Variants in NFIB observed in about 807,000 individuals in gnomAD.
The protein encoded by NFIB is nuclear factor I B, also known as nuclear factor 1 B-type.
A neutral mutation model predicts 61.5 loss-of-function variants in NFIB; 11 were observed. The ratio of observed to expected loss-of-function variants is 0.18; its 90% CI spans 0.11 to 0.30. The LOEUF is 0.30. Ranked by LOEUF, NFIB falls within the 10% of genes least tolerant of loss-of-function variation. The pLI is 1.00. For missense variants in NFIB, 471 were observed against 608.9 expected (o/e 0.77, Z 2.38); for synonymous variants, 260 against 216.5 (o/e 1.20, Z -1.76).
chr9:14,459,330 C>T, the NFIB span, among the ~76,000 whole-genome samples: 15 of 152,330 alleles, frequency 9.8e-5, no homozygotes, highest in African/African-American at 7.2e-5. Flanking sequence ...AAAGCTGAAA[C>T]TGGATCCCTT....
At chr9:14,262,866 T>A (rs1281085611) in intron 2 of NFIB, among the ~76,000 whole-genome samples, 1 of 152,152 alleles carries the variant, frequency 6.6e-6, no homozygotes, top group Non-Finnish European at 1.5e-5. Flanking sequence ...ATGTAGCTGT[T>A]TCTCTGGTCC....
At chr9:14,416,786 A>T in the NFIB span, among the ~76,000 whole-genome samples, 1 of 151,980 alleles carries the variant, frequency 6.6e-6, no homozygotes, top group Non-Finnish European at 1.5e-5. Flanking sequence ...GTAAAGTCCT[A>T]GGCCTTCACA....
At chr9:14,300,743 C>T (rs2059705868) in intron 2 of NFIB, among the ~76,000 whole-genome samples, 1 of 152,280 alleles carries the variant, frequency 6.6e-6, no homozygotes, top group Non-Finnish European at 1.5e-5. Context: ...CATAACCTTC[C>T]GTTGGGTCCC....
chr9:14,222,322 G>C (rs998676688), intron 2 of NFIB, among the ~76,000 whole-genome samples: 3 of 152,076 alleles, frequency 2.0e-5, no homozygotes, highest in African/African-American at 7.2e-5. Flanking sequence ...TACAAGCCCT[G>C]CACCTACTGA....
intron 2 of NFIB, among the ~76,000 whole-genome samples, chr9:14,244,583 G>A (rs1035486120): frequency 6.6e-6 from 1 of 152,080 alleles, no homozygotes; most frequent in African/African-American, 2.4e-5. Context: ...TAAAATAACT[G>A]CTTAGTAACT....
the NFIB span, among the ~76,000 whole-genome samples, chr9:14,409,239 T>C: frequency 6.6e-6 from 1 of 152,220 alleles, no homozygotes; most frequent in Non-Finnish European, 1.5e-5. Flanking sequence ...ATATAATTTA[T>C]TTAATTATAA....
At chr9:14,094,929 T>C (rs2034542689) in intron 10 of NFIB, among the ~76,000 whole-genome samples, 1 of 152,096 alleles carries the variant, frequency 6.6e-6, no homozygotes, top group African/African-American at 2.4e-5. Context: ...GAATGTTAAC[T>C]TTACCATGCG....
chr9:14,319,362 G>C (rs1365003365), intron 1 of NFIB, among the ~76,000 whole-genome samples: 1 of 152,194 alleles, frequency 6.6e-6, no homozygotes, highest in Non-Finnish European at 1.5e-5. Context: ...TCCCAACACT[G>C]TAAGACACTT....
At chr9:14,471,358 G>C in the NFIB span, among the ~76,000 whole-genome samples, 1 of 152,144 alleles carries the variant, frequency 6.6e-6, no homozygotes, top group African/African-American at 2.4e-5. Context: ...CTGTTGTCCT[G>C]TGCCTGAGCT....
the NFIB span, among the ~76,000 whole-genome samples, chr9:14,449,651 C>G: frequency 6.6e-6 from 1 of 152,068 alleles, no homozygotes; most frequent in African/African-American, 2.4e-5. Flanking sequence ...ATTTCTCGAC[C>G]GGGTACAGTG....
In NFIB at chr9:14,120,485, C is replaced by T; in HGVS notation, c.1200G>A (p.Lys400=). ...PPHLNPQDTL[K]NYVPSYDPSS... ...ATGGGTCATAAGAAGGTACATAGTTCTTCAGAGTATCCTGAGGATTCAGGT... is the reference window on the plus strand; with the variant it reads ...ATGGGTCATAAGAAGGTACATAGTTTTTCAGAGTATCCTGAGGATTCAGGT... Residue 400 remains lysine (K), a synonymous_variant, in exon 8 of 11, where the codon AAG becomes AAA. Transcript: ENST00000380953. This position sits in a 1 kb window ranked among gnomAD's most constrained non-coding sequence, Gnocchi z 4.4. The T allele has an allele frequency of 6.2e-7, 1 of 1,614,074 alleles. No homozygotes were observed. Among genetic ancestry groups the T allele is most frequent in the Non-Finnish European group, 8.5e-7 (1 of 1,180,006 alleles).
chr9:14,125,487 T>G (rs774375546), intron 7 of NFIB, 145 bp downstream of exon 7: 3 of 1,176,476 alleles, frequency 2.5e-6, no homozygotes. Context: ...GAAGAAAAAA[T>G]ACTTGATCGG....
chr9:14,453,980 A>G, the NFIB span, among the ~76,000 whole-genome samples: 2 of 152,214 alleles, frequency 1.3e-5, no homozygotes, highest in South Asian at 4.2e-4. Context: ...CAGGAGGCTG[A>G]GGCAGGAGAA....
chr9:14,348,441 G>C (rs1285635373), intron 1 of NFIB, among the ~76,000 whole-genome samples: 1 of 152,156 alleles, frequency 6.6e-6, no homozygotes, highest in Non-Finnish European at 1.5e-5. Flanking sequence ...CGCTATTTCG[G>C]GAGAAGTTGG....
At chr9:14,297,793 T>C (rs1167497992) in intron 2 of NFIB, among the ~76,000 whole-genome samples, 1 of 152,198 alleles carries the variant, frequency 6.6e-6, no homozygotes, top group Non-Finnish European at 1.5e-5. Context: ...CTGGCAAATA[T>C]AGGAAAATCA....
chr9:14,399,874 T>C (rs991048157), upstream of NFIB, among the ~76,000 whole-genome samples: 1 of 152,194 alleles, frequency 6.6e-6, no homozygotes, highest in Non-Finnish European at 1.5e-5. Flanking sequence ...ACATTTAACT[T>C]AAGCCACAGA....
chr9:14,381,545 G>C (rs1211406112), intron 1 of NFIB, among the ~76,000 whole-genome samples: 2 of 152,164 alleles, frequency 1.3e-5, no homozygotes, highest in Non-Finnish European at 2.9e-5. Flanking sequence ...TCATTACTTT[G>C]GACCAATGTC....
intron 2 of NFIB, among the ~76,000 whole-genome samples, chr9:14,288,187 T>C (rs2058842579): frequency 6.6e-6 from 1 of 152,090 alleles, no homozygotes; most frequent in African/African-American, 2.4e-5. Flanking sequence ...TGATTCAAGA[T>C]TATATAACAT....
At chr9:14,285,561 G>A (rs551826925) in intron 2 of NFIB, among the ~76,000 whole-genome samples, 15 of 152,258 alleles carry the variant, frequency 9.9e-5, no homozygotes, top group Admixed American at 8.5e-4. Flanking sequence ...TAGAATTACA[G>A]TTAAGAAAGA....
Sources: gnomAD v4.1 joint callset for allele counts (sites outside exome capture counted in the v4.1 genomes callset) on GRCh38, gnomAD v4.1.1 for gene constraint, Gnocchi (gnomAD v3.1) non-coding constraint, MANE v1.5 for transcripts, NCBI Gene and HGNC (gene_info 2026-07-23, HGNC 2026-07-21) for gene names.